Variants in TBC1D22A observed in about 807,000 individuals in gnomAD.
TBC1D22A encodes the protein putative GTPase activator.
Under a neutral mutation model 60.2 loss-of-function variants are expected in TBC1D22A, and 38 were observed. The ratio of observed to expected loss-of-function variants is 0.63; its 90% CI spans 0.49 to 0.83. TBC1D22A has a LOEUF of 0.83. TBC1D22A is among the 40% of genes least tolerant of loss of function. TBC1D22A has a pLI of 0.00. For synonymous variants in TBC1D22A, 302 were observed against 281.7 expected, an observed-to-expected ratio of 1.07 and a Z score of -0.72; for missense variants, 628 against 701.0, an observed-to-expected ratio of 0.90 and a Z score of 1.18.
intron 9 of TBC1D22A, among the ~76,000 whole-genome samples, chr22:46,981,486 C>T (rs1480885393): frequency 3.3e-5 from 5 of 152,270 alleles, no homozygotes; most frequent in Admixed American, 3.3e-4. Context: ...CTCCATAATC[C>T]CCCACATGTC....
intron 8 of TBC1D22A, among the ~76,000 whole-genome samples, chr22:46,941,185 A>C (rs2072015641): frequency 8.0e-6 from 1 of 124,790 alleles, no homozygotes; most frequent in African/African-American, 3.4e-5. Context: ...GGACACTAGA[A>C]TATATATATA....
At chr22:46,769,308 A>G (rs1397766599) in intron 1 of TBC1D22A, among the ~76,000 whole-genome samples, 1 of 152,192 alleles carries the variant, frequency 6.6e-6, no homozygotes, top group East Asian at 1.9e-4. Context: ...TCCTCAGCCG[A>G]AGGAGAGGCA....
intron 12 of TBC1D22A, among the ~76,000 whole-genome samples, chr22:47,149,645 G>C (rs1050590250): frequency 1.2e-4 from 19 of 152,106 alleles, no homozygotes; most frequent in African/African-American, 4.4e-4. Flanking sequence ...CGGAAGGATG[G>C]CAGAGCCGGC....
chr22:46,950,645 T>C (rs1241150105), intron 8 of TBC1D22A, among the ~76,000 whole-genome samples: 2 of 152,076 alleles, frequency 1.3e-5, no homozygotes, highest in Admixed American at 1.3e-4. Flanking sequence ...CATCAGGAAG[T>C]TGCAAGGAAC....
chr22:47,060,393 C>T (rs1277353399), intron 11 of TBC1D22A, among the ~76,000 whole-genome samples: 1 of 151,918 alleles, frequency 6.6e-6, no homozygotes, highest in Non-Finnish European at 1.5e-5. Flanking sequence ...AGGCGCCCAC[C>T]ACCATGCCCA....
At chr22:46,926,294 A>G (rs535920162) in intron 8 of TBC1D22A, among the ~76,000 whole-genome samples, 1 of 152,344 alleles carries the variant, frequency 6.6e-6, no homozygotes, top group South Asian at 2.1e-4. Flanking sequence ...GAAGGGAGAA[A>G]ATAATGAAGA....
At chr22:47,106,182 G>C (rs1358850618) in intron 11 of TBC1D22A, among the ~76,000 whole-genome samples, 1 of 152,122 alleles carries the variant, frequency 6.6e-6, no homozygotes, top group Non-Finnish European at 1.5e-5. Context: ...AGGAAATGGA[G>C]GATAGAATGA....
chr22:47,129,573 T>TATGGCATACAA (rs2066609338), intron 12 of TBC1D22A, among the ~76,000 whole-genome samples: 1 of 152,226 alleles, frequency 6.6e-6, no homozygotes. Context: ...TCCTGAGGGT[T>TATGGCATACAA]ATGGCATACA....
chr22:46,787,042 A>G (rs912254581), intron 1 of TBC1D22A, among the ~76,000 whole-genome samples: 24 of 152,040 alleles, frequency 1.6e-4, no homozygotes, highest in African/African-American at 5.8e-4. Flanking sequence ...CTGCTCCTTG[A>G]GTAAGTTTCA....
intron 12 of TBC1D22A, among the ~76,000 whole-genome samples, chr22:47,147,636 G>A (rs1405357422): frequency 2.0e-5 from 3 of 152,242 alleles, no homozygotes; most frequent in Admixed American, 6.5e-5. Context: ...TACGTTGGTC[G>A]CACACAGAGC....
intron 1 of TBC1D22A, among the ~76,000 whole-genome samples, chr22:46,769,367 C>A (rs2083408697): frequency 6.6e-6 from 1 of 152,248 alleles, no homozygotes; most frequent in South Asian, 2.1e-4. Context: ...AGCTCCTCTC[C>A]TGTGCCAGGT....
chr22:47,151,751 C>G (rs2067512117), intron 12 of TBC1D22A, among the ~76,000 whole-genome samples: 1 of 152,236 alleles, frequency 6.6e-6, no homozygotes, highest in African/African-American at 2.4e-5. Context: ...TGCGTCTGCT[C>G]TGGGGTTGAA....
chr22:47,170,663 C>CTT (rs2068399639), intron 12 of TBC1D22A, among the ~76,000 whole-genome samples: 1 of 144,662 alleles, frequency 6.9e-6, no homozygotes, highest in African/African-American at 2.6e-5. Context: ...GGTGTGTAAC[C>CTT]CTCCTGATGC....
intron 8 of TBC1D22A, among the ~76,000 whole-genome samples, chr22:46,962,930 TG>T (rs954560457): frequency 2.0e-5 from 3 of 152,012 alleles, no homozygotes; most frequent in Admixed American, 2.0e-4. Context: ...AATCAGTGCC[TG>T]GGCCGGGTGC....
intron 6 of TBC1D22A, among the ~76,000 whole-genome samples, 191 bp downstream of exon 6, chr22:46,891,585 G>A (rs2068411000): frequency 6.6e-6 from 1 of 152,162 alleles, no homozygotes; most frequent in Admixed American, 6.5e-5. Context: ...TCCTCTGCTA[G>A]TACTATCTTG....
chr22:47,142,831 C>T lies in TBC1D22A; in HGVS notation c.1426-30667C>T, dbSNP rs1182684825. ...ACTCATCCATCCATCCTCCTACCCT[C>T]CCATCCACCCATCCATTCATCCACC... On this transcript the variant is annotated intron_variant, in intron 12 of 12. Transcript: ENST00000337137. Among the ~76,000 whole-genome samples the T allele has an allele frequency of 1.6e-5, 2 of 127,600 alleles. 1 individual carries two copies. The highest frequency in any genetic ancestry group is 3.3e-5 in the Non-Finnish European group (2 of 60,662). 83.7% of individuals were successfully genotyped at this position (127,600 alleles called of 152,430 possible). A position where few individuals can be genotyped will look rare whatever the true frequency, so the allele number is the denominator to read the frequency against.
At position 47,044,538 on chromosome 22, in the gene TBC1D22A, A is replaced by T. The variant is rs114049867; in HGVS notation, c.1329+7340A>T. Reference sequence around the variant, plus strand: ...CTGTGGGTCAGGTGCAGTGAAACTGATGATCGGGTTAACCTAATGAAGCTG... The same window carrying T: ...CTGTGGGTCAGGTGCAGTGAAACTGTTGATCGGGTTAACCTAATGAAGCTG... On this transcript the variant is annotated intron_variant, in intron 11 of 12. Coordinates refer to ENST00000337137, the MANE Select transcript of TBC1D22A (RefSeq NM_014346.5). 1.3e-3 allele frequency among the ~76,000 whole-genome samples: 202 copies of T among 152,306 alleles called. 2 individuals carry two copies. Among genetic ancestry groups the T allele is most frequent in the African/African-American group, 4.7e-3 (196 of 41,542 alleles).
At chr22:47,097,403 C>T (rs2065227605) in intron 11 of TBC1D22A, among the ~76,000 whole-genome samples, 2 of 152,158 alleles carry the variant, frequency 1.3e-5, no homozygotes, top group South Asian at 4.1e-4. Context: ...ATCACGAGGT[C>T]AGGAGATCGA....
intron 4 of TBC1D22A, among the ~76,000 whole-genome samples, chr22:46,837,256 A>G (rs2086564493): frequency 6.6e-6 from 1 of 152,236 alleles, no homozygotes; most frequent in African/African-American, 2.4e-5. Context: ...TAAAGCATAT[A>G]TTAACAGAAT....
Sources: allele counts gnomAD v4.1 joint callset (sites outside exome capture counted in the v4.1 genomes callset), GRCh38; gene constraint gnomAD v4.1.1; transcripts MANE v1.5; gene names NCBI Gene and HGNC (gene_info 2026-07-23, HGNC 2026-07-21).